The following HIVEP3 variants were observed in gnomAD, a reference collection of about 807,000 sequenced individuals.
HIVEP3 encodes HIVEP zinc finger 3, also known as transcription factor HIVEP3.
Under a neutral mutation model 152.8 loss-of-function variants are expected in HIVEP3, and 49 were observed. The observed-to-expected ratio is 0.32, with a 90% CI of 0.26 to 0.41. HIVEP3 has a LOEUF of 0.41. HIVEP3 is among the 10% of genes least tolerant of loss of function. The pLI, the probability that HIVEP3 is intolerant of heterozygous loss-of-function variation, is 1.00. For synonymous variants in HIVEP3, 1,269 were observed against 1,289.0 expected (o/e 0.98, Z 0.33); for missense variants, 2,790 against 3,103.3 (o/e 0.90, Z 2.40).
rs1644399938 is a variant in HIVEP3 at position 41,581,179 on chromosome 1, G to T, written c.3619C>A (p.Gln1207Lys). 11 of 1,551,352 alleles carry T rather than the reference G, an allele frequency of 7.1e-6. No individual in the cohort carries two copies. Among genetic ancestry groups the T allele is most frequent in the Non-Finnish European group, 9.6e-6 (11 of 1,148,898 alleles). The change falls in exon 4 of 9, where the codon CAG (glutamine) becomes AAG (lysine). Residue 1207 changes from glutamine (Q) to lysine (K), a missense_variant. By Grantham distance (53) the Gln-to-Lys change is moderately conservative. Coordinates refer to ENST00000372583, the MANE Select transcript of HIVEP3 (RefSeq NM_024503.5). This position sits in a 1 kb window ranked among gnomAD's most constrained non-coding sequence, Gnocchi z 4.5. ...ATGTTGGCTGGGTGAGGCATGAGCT[G>T]GGGGAGATGGAGTTGGCCTGGGTGC... ...VLHPGQLHLP[Q>K]LMPHPANIPF...
intron 1 of HIVEP3, among the ~76,000 whole-genome samples, chr1:41,759,256 A>G (rs1286244900): frequency 2.6e-5 from 4 of 151,966 alleles, no homozygotes; most frequent in Non-Finnish European, 5.9e-5. Flanking sequence ...TGGGTATTTC[A>G]TATAAGTGGA....
At chr1:42,030,652 G>A (rs907522964) in intron 1 of HIVEP3, among the ~76,000 whole-genome samples, 4 of 151,918 alleles carry the variant, frequency 2.6e-5, no homozygotes, top group South Asian at 2.1e-4. Flanking sequence ...CACACATGTC[G>A]ATTATCGGTT....
chr1:41,632,149 A>C (rs548912244), intron 2 of HIVEP3, among the ~76,000 whole-genome samples: 1 of 152,248 alleles, frequency 6.6e-6, no homozygotes, highest in East Asian at 1.9e-4. Context: ...GATTGCATAC[A>C]ACTCAGGCAG....
At chr1:41,790,538 T>G (rs1006593958) in intron 1 of HIVEP3, among the ~76,000 whole-genome samples, 1 of 152,216 alleles carries the variant, frequency 6.6e-6, no homozygotes, top group Non-Finnish European at 1.5e-5. Flanking sequence ...TGCTTCTGTT[T>G]TCAGATGTAC....
intron 5 of HIVEP3, among the ~76,000 whole-genome samples, chr1:41,548,036 A>G (rs1643846935): frequency 6.6e-6 from 1 of 151,818 alleles, no homozygotes; most frequent in African/African-American, 2.4e-5. Flanking sequence ...CTCCCCTTCC[A>G]TCCCCATGCC....
At chr1:41,651,839 G>C (rs1031032463) in intron 2 of HIVEP3, among the ~76,000 whole-genome samples, 1 of 151,928 alleles carries the variant, frequency 6.6e-6, no homozygotes, top group Non-Finnish European at 1.5e-5. Context: ...ACAATCTTTG[G>C]TTTTTTAGTG....
At chr1:41,899,597 G>A (rs1019512094) in intron 1 of HIVEP3, among the ~76,000 whole-genome samples, 3 of 152,054 alleles carry the variant, frequency 2.0e-5, no homozygotes, top group East Asian at 3.9e-4. Context: ...TAGTAGAGAC[G>A]GGGTTTCACC....
At position 41,581,601 on chromosome 1, in the gene HIVEP3, C is replaced by G; in HGVS notation, c.3197G>C (p.Arg1066Thr). 2 of 1,614,028 alleles carry G rather than the reference C, an allele frequency of 1.2e-6. No individual in the cohort carries two copies. The highest frequency in any genetic ancestry group is 1.7e-6 in the Non-Finnish European group (2 of 1,179,966). The change falls in exon 4 of 9, where the codon AGA (arginine) becomes ACA (threonine). Residue 1066 changes from arginine (R) to threonine (T), a missense_variant. By Grantham distance (71) the Arg-to-Thr change is moderately conservative (BLOSUM62 -1). Transcript: ENST00000372583. This position sits in a 1 kb window ranked among gnomAD's most constrained non-coding sequence, Gnocchi z 4.5. ...GGGCTGTGGTTCTTCGCTCTCCTGT[C>G]TTCCCTTGGGGGCAACCTCCAACTC... is the stretch of plus-strand genomic sequence containing the variant. ...ESELEVAPKG[R>T]QESEEPQPSS...
At chr1:41,592,777 C>G (rs866094619) in intron 3 of HIVEP3, among the ~76,000 whole-genome samples, 1 of 152,256 alleles carries the variant, frequency 6.6e-6, no homozygotes, top group Non-Finnish European at 1.5e-5. Context: ...CTATAACATT[C>G]TAACCTCACT....
At chr1:41,956,352 C>T (rs372086546) in intron 1 of HIVEP3, among the ~76,000 whole-genome samples, 23 of 152,166 alleles carry the variant, frequency 1.5e-4, no homozygotes, top group Non-Finnish European at 2.2e-4. Flanking sequence ...GTGTATGAAA[C>T]GGTCCAGGGT....
intron 1 of HIVEP3, among the ~76,000 whole-genome samples, chr1:41,800,353 G>A (rs1036010919): frequency 1.7e-4 from 26 of 152,282 alleles, no homozygotes; most frequent in African/African-American, 5.5e-4. Context: ...GCTTGCTTCC[G>A]CATTCCTGGA....
chr1:41,780,225 C>T (rs753579373), intron 1 of HIVEP3, among the ~76,000 whole-genome samples: 3 of 140,728 alleles, frequency 2.1e-5, no homozygotes, highest in East Asian at 2.2e-4. Flanking sequence ...AGAGGCCCAC[C>T]GCAGTGAGGG....
chr1:41,575,443 G>A (rs1644312402), intron 5 of HIVEP3, 101 bp downstream of exon 5: 1 of 1,294,960 alleles, frequency 7.7e-7, no homozygotes, highest in Non-Finnish European at 1.1e-6. Context: ...GCACCTGTGG[G>A]CAGAGCCCTT....
chr1:41,825,592 TA>T (rs1301688581), intron 1 of HIVEP3, among the ~76,000 whole-genome samples: 114 of 151,286 alleles, frequency 7.5e-4, no homozygotes, highest in Admixed American at 6.6e-4. Flanking sequence ...TATATATATA[TA>T]TTCATTTAAT....
intron 5 of HIVEP3, among the ~76,000 whole-genome samples, chr1:41,530,857 G>A (rs1052754416): frequency 2.0e-5 from 3 of 152,216 alleles, no homozygotes; most frequent in Admixed American, 6.5e-5. Flanking sequence ...AGAGAGATAG[G>A]AAGGGGAGGG....
chr1:41,734,170 G>A (rs1036904842), intron 1 of HIVEP3, among the ~76,000 whole-genome samples: 2 of 152,210 alleles, frequency 1.3e-5, no homozygotes, highest in Admixed American at 1.3e-4. Context: ...AGGCTCATGT[G>A]CATTGCAGCT....
chr1:41,610,132 T>C (rs1039746008), intron 3 of HIVEP3, among the ~76,000 whole-genome samples: 1 of 152,186 alleles, frequency 6.6e-6, no homozygotes, highest in Non-Finnish European at 1.5e-5. Flanking sequence ...CCTCCACAAC[T>C]GCATGAGCCA....
intron 3 of HIVEP3, among the ~76,000 whole-genome samples, chr1:41,609,156 A>G (rs1055701676): frequency 6.6e-6 from 1 of 152,210 alleles, no homozygotes; most frequent in Non-Finnish European, 1.5e-5. Context: ...AAATCAATGC[A>G]TTCATGACTC....
intron 2 of HIVEP3, among the ~76,000 whole-genome samples, chr1:41,666,492 A>G (rs1645798449): frequency 2.0e-5 from 3 of 152,282 alleles, no homozygotes; most frequent in South Asian, 4.1e-4. Context: ...AGTTTTGACA[A>G]GACACTGCAA....
Sources: gnomAD v4.1 joint callset for allele counts (sites outside exome capture counted in the v4.1 genomes callset) on GRCh38, gnomAD v4.1.1 for gene constraint, Gnocchi (gnomAD v3.1) non-coding constraint, MANE v1.5 for transcripts, NCBI Gene and HGNC (gene_info 2026-07-23, HGNC 2026-07-21) for gene names.